Variants in AP3D1 observed in about 807,000 individuals in gnomAD.
AP3D1 encodes AP-3 complex subunit delta-1.
A neutral mutation model predicts 147.6 loss-of-function variants in AP3D1; 51 were observed. The observed-to-expected ratio is 0.35, with a 90% confidence interval of 0.28 to 0.44. The LOEUF is 0.44. Ranked by LOEUF, AP3D1 falls within the 20% of genes least tolerant of loss-of-function variation. The pLI is 1.00. For synonymous variants in AP3D1, 760 were observed against 663.0 expected (o/e 1.15, Z -2.25); for missense variants, 1,421 against 1,624.2 (o/e 0.87, Z 2.15).
Position 2,115,358 on chromosome 19 carries a change from A to G in AP3D1, c.2210T>C (p.Leu737Pro). The change falls in exon 20 of 32, where the codon CTG (leucine) becomes CCG (proline). Residue 737 changes from leucine (L) to proline (P), a missense_variant. Leu to Pro is a moderately conservative substitution (Grantham distance 98, BLOSUM62 -3). Transcript: ENST00000643116. ...LEEERRHRQK[L>P]EKDKRRKKRK... ...CTTTTTCCTCCTCTTGTCCTTCTCC[A>G]GCTTCTGCCGGTGCCGCCGCTCCTC... 6.2e-7 allele frequency: 1 copy of G among 1,607,568 alleles called. No individual in the cohort carries two copies. The highest frequency in any genetic ancestry group is 8.5e-7 in the Non-Finnish European group (1 of 1,179,726).
At chr19:2,140,366 G>A (rs911876743) in intron 1 of AP3D1, among the ~76,000 whole-genome samples, 1 of 152,010 alleles carries the variant, frequency 6.6e-6, no homozygotes, top group African/African-American at 2.4e-5. Context: ...ACAAGCACAC[G>A]AACACACAGG....
At chr19:2,120,299 G>A (rs147442091) in intron 14 of AP3D1, among the ~76,000 whole-genome samples, 2 of 152,316 alleles carry the variant, frequency 1.3e-5, no homozygotes, top group Non-Finnish European at 2.9e-5. Flanking sequence ...CTTGGCCAGG[G>A]AGAACCTGAC....
chr19:2,102,274 T>G lies in AP3D1; in HGVS notation c.3553-6A>C. The stretch of plus-strand genomic sequence containing the variant: ...ACTGAGACAGAGTTCTCACCCTGTG[T>G]AAGGAAAAAAGATGGATATTTTAAA... On this transcript the variant is annotated splice_polypyrimidine_tract_variant and splice_region_variant and intron_variant, in intron 31 of 31. Coordinates refer to ENST00000643116, the MANE Select transcript of AP3D1 (RefSeq NM_001261826.3). 1 of 1,608,828 alleles carries G rather than the reference T, an allele frequency of 6.2e-7. No homozygotes were observed. The highest frequency in any genetic ancestry group is 8.5e-7 in the Non-Finnish European group (1 of 1,175,628).
At chr19:2,129,282 C>A in intron 7 of AP3D1, 36 bp downstream of exon 7, 1 of 1,613,772 alleles carries the variant, frequency 6.2e-7, no homozygotes, top group Non-Finnish European at 8.5e-7. Flanking sequence ...ATGCCCCACA[C>A]AGGGTGAGGA....
chr19:2,158,377 G>T (rs561675989), intron 1 of AP3D1, among the ~76,000 whole-genome samples: 7 of 146,434 alleles, frequency 4.8e-5, no homozygotes, highest in Non-Finnish European at 9.0e-5. Flanking sequence ...TTTTTTTAGA[G>T]ATAGGGTCTT....
chr19:2,126,185 G>A (rs191929493), intron 9 of AP3D1, among the ~76,000 whole-genome samples: 6 of 152,270 alleles, frequency 3.9e-5, no homozygotes, highest in African/African-American at 9.6e-5. Flanking sequence ...CTGAATAGCT[G>A]GGCCCTCCTA....
chr19:2,150,798 G>A (rs2019486277), intron 1 of AP3D1, among the ~76,000 whole-genome samples: 1 of 152,118 alleles, frequency 6.6e-6, no homozygotes, highest in South Asian at 2.1e-4. Context: ...ATTTTTAATC[G>A]GTGATTCGGA....
chr19:2,104,912 C>T (rs1368920464), intron 31 of AP3D1, among the ~76,000 whole-genome samples: 1 of 152,050 alleles, frequency 6.6e-6, no homozygotes, highest in African/African-American at 2.4e-5. Flanking sequence ...AGGGCTCAAG[C>T]GATCCTCCTG....
chr19:2,127,046 C>A, intron 9 of AP3D1, 106 bp downstream of exon 9: 2 of 1,234,852 alleles, frequency 1.6e-6, no homozygotes, highest in Non-Finnish European at 2.3e-6. Flanking sequence ...TCAGTTCCAG[C>A]AGGGGTGGCG....
At chr19:2,164,281 C>T in intron 1 of AP3D1, 1 of 1,257,272 alleles carries the variant, frequency 8.0e-7, no homozygotes, top group Non-Finnish European at 1.0e-6. Context: ...TGCCGCCCTC[C>T]ACCGTCCCTA....
chr19:2,136,235 CCT>C (rs1336551223), intron 4 of AP3D1, among the ~76,000 whole-genome samples: 2 of 152,248 alleles, frequency 1.3e-5, no homozygotes, highest in East Asian at 1.9e-4. Flanking sequence ...TGCACCACAC[CCT>C]GTGCCGGACA....
intron 24 of AP3D1, 52 bp downstream of exon 24, chr19:2,112,808 G>C: frequency 1.4e-6 from 2 of 1,451,768 alleles, no homozygotes; most frequent in African/African-American, 2.8e-5. Flanking sequence ...CCACGTTGGG[G>C]TGCTGGGGCT....
At chr19:2,127,465 G>C (rs550054655) in intron 8 of AP3D1, among the ~76,000 whole-genome samples, 3 of 152,182 alleles carry the variant, frequency 2.0e-5, no homozygotes, top group African/African-American at 7.2e-5. Context: ...CGCACCCCCG[G>C]CGGCCTGTGA....
chr19:2,113,230 G>A, intron 23 of AP3D1, 106 bp downstream of exon 23: 1 of 684,768 alleles, frequency 1.5e-6, no homozygotes, highest in Non-Finnish European at 2.5e-6. Flanking sequence ...GCACGGTGCT[G>A]ACCGCGAGAG....
At position 2,122,330 on chromosome 19, in the gene AP3D1, G is replaced by T. The variant is rs2018634708; in HGVS notation, c.956-451C>A. Among the ~76,000 whole-genome samples, 2 of 152,228 alleles carry T rather than the reference G, an allele frequency of 1.3e-5. 1 individual carries two copies. Among genetic ancestry groups the T allele is most frequent in the Admixed American group, 1.3e-4 (2 of 15,284 alleles). On this transcript the variant is annotated intron_variant, in intron 11 of 31. Transcript: ENST00000643116. ...TAAGGGTGGCTGGGCATGAGGCACA[G>T]ATGCCACAACCTAAGCCAGGGCCAC...
Position 2,135,105 on chromosome 19 carries a change from G to A in AP3D1, c.354+1906C>T, listed in dbSNP as rs968266223. Among the ~76,000 whole-genome samples the A allele has an allele frequency of 6.6e-5, 10 of 152,178 alleles. No individual in the cohort carries two copies. The South Asian group carries it at 2.1e-3, about 32-fold the overall frequency. Reference sequence around the variant, plus strand: ...ACTCCCAGCTACTTGGGAGGCTGACGCAGGAGAATTGCTTGAACCTGGGAG... The same window carrying A: ...ACTCCCAGCTACTTGGGAGGCTGACACAGGAGAATTGCTTGAACCTGGGAG... On this transcript the variant is annotated intron_variant, in intron 4 of 31. Coordinates refer to ENST00000643116, the MANE Select transcript of AP3D1 (RefSeq NM_001261826.3).
At chr19:2,148,934 C>T (rs529977759) in intron 1 of AP3D1, among the ~76,000 whole-genome samples, 3 of 151,300 alleles carry the variant, frequency 2.0e-5, no homozygotes, top group Admixed American at 6.6e-5. Flanking sequence ...GTGCAGTGGG[C>T]GGGAGGGAAG....
chr19:2,143,816 G>A (rs996345006), intron 1 of AP3D1, among the ~76,000 whole-genome samples: 4 of 151,884 alleles, frequency 2.6e-5, no homozygotes, highest in South Asian at 2.1e-4. Flanking sequence ...GGCCAGGTGC[G>A]GTGGCTCACG....
chr19:2,145,872 C>T lies in AP3D1; in HGVS notation c.96+5367G>A, dbSNP rs540616179. 5.3e-5 allele frequency among the ~76,000 whole-genome samples: 8 copies of T among 152,346 alleles called. No individual in the cohort carries two copies. The East Asian group carries it at 5.8e-4, about 11-fold the overall frequency. On this transcript the variant is annotated intron_variant, in intron 1 of 31. Coordinates refer to ENST00000643116, the MANE Select transcript of AP3D1 (RefSeq NM_001261826.3). ...TTTGAAGAGAGAGCTTCAGGAAGAA[C>T]GCAAGCGGCTAAACGCCTGTGAATG...
Sources: allele counts gnomAD v4.1 joint callset (sites outside exome capture counted in the v4.1 genomes callset), GRCh38; gene constraint gnomAD v4.1.1; transcripts MANE v1.5; gene names NCBI Gene and HGNC (gene_info 2026-07-23, HGNC 2026-07-21).